TENM2: variants seen among roughly 807,000 people sequenced by gnomAD.
TENM2 encodes the protein teneurin transmembrane protein 2.
A neutral mutation model predicts 245.2 loss-of-function variants in TENM2; 52 were observed. The ratio of observed to expected loss-of-function variants is 0.21; its 90% CI spans 0.17 to 0.27. The LOEUF is 0.27. Among genes scored for constraint, TENM2 ranks in the 10% least tolerant of loss-of-function variants. The pLI, the probability that TENM2 is intolerant of heterozygous loss-of-function variation, is 1.00. For missense variants in TENM2, 3,046 were observed against 3,666.8 expected, an observed-to-expected ratio of 0.83 and a Z score of 4.37; for synonymous variants, 1,363 against 1,438.9, an observed-to-expected ratio of 0.95 and a Z score of 1.19.
intron 2 of TENM2, among the ~76,000 whole-genome samples, chr5:167,387,003 G>A (rs1761468557): frequency 6.6e-6 from 1 of 151,838 alleles, no homozygotes; most frequent in South Asian, 2.1e-4. Flanking sequence ...CTTTTTTTTG[G>A]TTCCATATGA....
intron 2 of TENM2, among the ~76,000 whole-genome samples, chr5:167,436,126 C>T (rs1764543439): frequency 6.6e-6 from 1 of 151,460 alleles, no homozygotes; most frequent in Admixed American, 6.6e-5. Flanking sequence ...TTACAGTTGC[C>T]CACCACCACA....
At chr5:167,573,437 G>C (rs1205229745) in intron 2 of TENM2, among the ~76,000 whole-genome samples, 1 of 151,960 alleles carries the variant, frequency 6.6e-6, no homozygotes, top group African/African-American at 2.4e-5. Flanking sequence ...GCCAGACACT[G>C]CACTGTGGCT....
intron 5 of TENM2, 57 bp downstream of exon 7, chr5:167,993,239 C>T (rs980645349): frequency 3.5e-6 from 5 of 1,427,202 alleles, no homozygotes; most frequent in African/African-American, 1.4e-5. Context: ...AGGGGAGAGG[C>T]CATGGACTTG....
chr5:167,935,191 A>G (rs1046509197), intron 3 of TENM2, among the ~76,000 whole-genome samples: 11 of 152,174 alleles, frequency 7.2e-5, no homozygotes, highest in African/African-American at 2.7e-4. Context: ...ATTATCTGTC[A>G]GTGCCGATGG....
chr5:167,650,392 C>G (rs1356349168), intron 2 of TENM2, among the ~76,000 whole-genome samples: 1 of 152,110 alleles, frequency 6.6e-6, no homozygotes, highest in African/African-American at 2.4e-5. Flanking sequence ...TCTGGCTTTG[C>G]CCCTAATTCA....
intron 5 of TENM2, among the ~76,000 whole-genome samples, chr5:168,010,609 T>C (rs1443990970): frequency 6.6e-6 from 1 of 152,190 alleles, no homozygotes; most frequent in African/African-American, 2.4e-5. Flanking sequence ...GAGAGAAGTG[T>C]AAATGAGTAA....
At chr5:167,785,750 A>C (rs947513400) in intron 2 of TENM2, among the ~76,000 whole-genome samples, 1 of 152,232 alleles carries the variant, frequency 6.6e-6, no homozygotes, top group Non-Finnish European at 1.5e-5. Flanking sequence ...AATCAGAGGT[A>C]GAATGTTGAG....
chr5:167,949,348 T>G (rs1354211265), intron 3 of TENM2, among the ~76,000 whole-genome samples: 1 of 152,198 alleles, frequency 6.6e-6, no homozygotes, highest in Non-Finnish European at 1.5e-5. Flanking sequence ...AATCTCAACT[T>G]TGAATTTTTG....
At chr5:167,883,247 T>C (rs1774020441) in intron 3 of TENM2, among the ~76,000 whole-genome samples, 2 of 152,208 alleles carry the variant, frequency 1.3e-5, no homozygotes, top group Non-Finnish European at 2.9e-5. Context: ...CCCACCTCAA[T>C]AATTGGGAAC....
At chr5:167,028,067 C>CT in the TENM2 span, among the ~76,000 whole-genome samples, 1 of 55,474 alleles carries the variant, frequency 1.8e-5, no homozygotes, top group South Asian at 9.0e-4. Flanking sequence ...GAGATTCCAT[C>CT]TCAAAAAAAA....
intron 2 of TENM2, among the ~76,000 whole-genome samples, chr5:167,793,314 G>C (rs1270565426): frequency 6.6e-6 from 1 of 152,060 alleles, no homozygotes; most frequent in Non-Finnish European, 1.5e-5. Flanking sequence ...AATAATAATA[G>C]CTTCATGGGA....
intron 1 of TENM2, among the ~76,000 whole-genome samples, chr5:167,310,140 T>A (rs1755935581): frequency 6.6e-6 from 1 of 152,236 alleles, no homozygotes; most frequent in African/African-American, 2.4e-5. Context: ...TCTGATGAGA[T>A]GTGAGCACTG....
chr5:167,430,146 C>T (rs573079003), intron 2 of TENM2, among the ~76,000 whole-genome samples: 12 of 152,006 alleles, frequency 7.9e-5, no homozygotes, highest in African/African-American at 2.7e-4. Context: ...GAGAAACCAA[C>T]GGAGAGGTTT....
chr5:166,992,103 C>T, the TENM2 span, among the ~76,000 whole-genome samples: 5 of 149,146 alleles, frequency 3.4e-5, no homozygotes, highest in Non-Finnish European at 7.4e-5. Context: ...TCAATTGTTA[C>T]AACTTTTAAA....
the TENM2 span, among the ~76,000 whole-genome samples, chr5:166,990,176 G>C: frequency 0.014 from 2,123 of 152,166 alleles, 13 homozygotes; most frequent in Admixed American, 0.023. Context: ...TAGACTCTCT[G>C]GTTCAAACAG....
At chr5:167,299,891 G>A (rs1270782982) in intron 1 of TENM2, among the ~76,000 whole-genome samples, 1 of 152,182 alleles carries the variant, frequency 6.6e-6, no homozygotes, top group Non-Finnish European at 1.5e-5. Context: ...GGAGCAGAAA[G>A]TATATGTGTC....
the TENM2 span, among the ~76,000 whole-genome samples, chr5:167,198,061 A>G: frequency 6.6e-6 from 1 of 151,982 alleles, no homozygotes; most frequent in Non-Finnish European, 1.5e-5. Context: ...AATTGTGGGG[A>G]TAATCTTCAC....
At chr5:167,326,502 G>A (rs997411509) in intron 1 of TENM2, among the ~76,000 whole-genome samples, 6 of 151,482 alleles carry the variant, frequency 4.0e-5, no homozygotes, top group African/African-American at 9.7e-5. Flanking sequence ...TTGAAACCCC[G>A]TCTCTACTAA....
chr5:167,231,872 T>TA, the TENM2 span, among the ~76,000 whole-genome samples: 2 of 152,186 alleles, frequency 1.3e-5, no homozygotes, highest in Non-Finnish European at 2.9e-5. Flanking sequence ...CCATGGTTTT[T>TA]ATGGGCCGGC....
Sources: allele counts gnomAD v4.1 joint callset (sites outside exome capture counted in the v4.1 genomes callset), GRCh38; gene constraint gnomAD v4.1.1; transcripts MANE v1.5; gene names NCBI Gene and HGNC (gene_info 2026-07-23, HGNC 2026-07-21).